KALRN: variants seen among roughly 807,000 people sequenced by gnomAD.
KALRN encodes kalirin RhoGEF kinase.
A neutral mutation model predicts 353.7 loss-of-function variants in KALRN; 70 were observed. The observed-to-expected ratio is 0.20, with a 90% CI of 0.16 to 0.24. The LOEUF (loss-of-function observed/expected upper bound fraction) is 0.24. Ranked by LOEUF, KALRN falls within the 10% of genes least tolerant of loss-of-function variation. The pLI, the probability that KALRN is intolerant of heterozygous loss-of-function variation, is 1.00. For missense variants in KALRN, 2,791 were observed against 3,756.7 expected (o/e 0.74, Z 6.72); for synonymous variants, 1,391 against 1,434.8 (o/e 0.97, Z 0.69).
At chr3:124,312,111 A>G (rs933520688) in intron 6 of KALRN, among the ~76,000 whole-genome samples, 1 of 152,318 alleles carries the variant, frequency 6.6e-6, no homozygotes, top group East Asian at 1.9e-4. Flanking sequence ...ACTAAATACT[A>G]ATATACTAAA....
intron 10 of KALRN, 130 bp downstream of exon 10, chr3:124,347,395 G>GTGTGTGTGTGTGTGTT: frequency 7.4e-7 from 1 of 1,355,064 alleles, no homozygotes; most frequent in Non-Finnish European, 9.9e-7. Context: ...GTGTGTGTGT[G>GTGTGTGTGTGTGTGTT]TGTGTGTGTC....
At position 124,562,963 on chromosome 3, in the gene KALRN, G is replaced by C. The variant is rs763819696; in HGVS notation, c.5056G>C (p.Gly1686Arg). The C allele has an allele frequency of 1.5e-6, 2 of 1,367,906 alleles. No individual in the cohort carries two copies. The highest frequency in any genetic ancestry group is 3.8e-5 in the Admixed American group (2 of 52,592). The allele number at this position is 1,367,906 out of a possible 1,614,324, so 84.7% of individuals were successfully genotyped here. A position where few individuals can be genotyped will look rare whatever the true frequency, so the allele number is the denominator to read the frequency against. Reference protein sequence around the residue: ...ELLERPSERPGWCLVRTTERS... With the variant: ...ELLERPSERPRWCLVRTTERS... ...GCTGGAGCGGCCCAGCGAGCGGCCT[G>C]GTTGGTGTCTGGTCCGTACCACCGA... Residue 1686 changes from glycine to arginine, a missense_variant, in exon 34 of 60, where the codon GGT (glycine) becomes CGT (arginine). This residue lies in a region of KALRN where 239 missense variants were observed against 351.3 expected (regional missense o/e 0.68). Coordinates refer to ENST00000682506, the MANE Select transcript of KALRN (RefSeq NM_001388419.1).
chr3:124,215,634 C>G (rs921964732), intron 1 of KALRN, among the ~76,000 whole-genome samples: 14 of 152,234 alleles, frequency 9.2e-5, no homozygotes, highest in African/African-American at 2.9e-4. Flanking sequence ...TATGAAGGAA[C>G]AGAGACCCAG....
At chr3:124,354,595 A>G (rs1261440901) in intron 10 of KALRN, among the ~76,000 whole-genome samples, 1 of 152,262 alleles carries the variant, frequency 6.6e-6, no homozygotes, top group Non-Finnish European at 1.5e-5. Context: ...GTGCTTAGAT[A>G]ACCTTAGGTT....
chr3:124,396,915 GT>G (rs1301342340), intron 12 of KALRN, among the ~76,000 whole-genome samples: 2 of 152,200 alleles, frequency 1.3e-5, no homozygotes, highest in Admixed American at 6.5e-5. Flanking sequence ...ATCAAGGCAT[GT>G]CAAAGAGAAA....
At chr3:124,598,896 G>C (rs35910945) in intron 34 of KALRN, among the ~76,000 whole-genome samples, 37,158 of 152,132 alleles carry the variant, frequency 0.24, 4,726 homozygotes, top group East Asian at 0.33. Flanking sequence ...GGCTGGTCTG[G>C]AACAGCTGGG....
At position 124,326,004 on chromosome 3, in the gene KALRN, A is replaced by C. The variant is rs764027557; in HGVS notation, c.1117A>C (p.Ile373Leu). Residue 373 changes from isoleucine to leucine, a missense_variant, in exon 7 of 60, where the codon ATC becomes CTC. Transcript: ENST00000682506. ...SMNAYVNINR[I>L]MSVASRLSEA... Reference sequence around the variant, plus strand: ...GAATGCCTATGTCAACATCAACCGCATCATGTCCGTGGCTTCCCGCCTCTC... The same window carrying C: ...GAATGCCTATGTCAACATCAACCGCCTCATGTCCGTGGCTTCCCGCCTCTC... 1.9e-6 allele frequency: 3 copies of C among 1,613,154 alleles called. No individual in the cohort carries two copies. The Admixed American group carries it at 5.0e-5, about 27-fold the overall frequency.
rs1268998252 is a variant in KALRN at position 124,659,279 on chromosome 3, C to A, written c.6124-86C>A. On this transcript the variant is annotated intron_variant, in intron 42 of 59. Coordinates refer to ENST00000682506, the MANE Select transcript of KALRN (RefSeq NM_001388419.1). ...TCAACTTCATTGGAAAACATGCAGA[C>A]CTGTCTTCCATGCCTTTGAACCCTT... The A allele has an allele frequency of 4.6e-6, 4 of 877,952 alleles. No individual in the cohort carries two copies. The African/African-American group carries it at 5.0e-5, about 11-fold the overall frequency. The allele number at this position is 877,952 out of a possible 1,614,324, so 54.4% of individuals were successfully genotyped here.
intron 1 of KALRN, among the ~76,000 whole-genome samples, chr3:124,171,933 G>A (rs925480334): frequency 2.6e-5 from 4 of 152,112 alleles, no homozygotes; most frequent in Non-Finnish European, 5.9e-5. Context: ...TACTTCCATA[G>A]GTTATTGGAT....
At chr3:124,069,789 A>G (rs894783374) in intron 1 of KALRN, among the ~76,000 whole-genome samples, 2 of 152,160 alleles carry the variant, frequency 1.3e-5, no homozygotes, top group Non-Finnish European at 2.9e-5. Context: ...TGAAGCTCAG[A>G]GGAAAGGGAG....
At chr3:124,221,487 C>T (rs1156972987) in intron 1 of KALRN, among the ~76,000 whole-genome samples, 2 of 152,192 alleles carry the variant, frequency 1.3e-5, no homozygotes, top group African/African-American at 4.8e-5. Flanking sequence ...AACGAAAACA[C>T]ATAAATGCCA....
At chr3:124,071,842 T>C (rs1298129871) in intron 1 of KALRN, among the ~76,000 whole-genome samples, 2 of 152,210 alleles carry the variant, frequency 1.3e-5, no homozygotes, top group Non-Finnish European at 2.9e-5. Flanking sequence ...TGCCCCTCAA[T>C]TAAACCCAGA....
At chr3:124,110,438 A>G (rs1320906516) in intron 1 of KALRN, among the ~76,000 whole-genome samples, 2 of 143,356 alleles carry the variant, frequency 1.4e-5, no homozygotes, top group African/African-American at 2.6e-5. Context: ...ATGTATGTAT[A>G]TATGTATATA....
chr3:124,657,120 C>T (rs2084149462), intron 39 of KALRN, among the ~76,000 whole-genome samples: 1 of 152,184 alleles, frequency 6.6e-6, no homozygotes, highest in African/African-American at 2.4e-5. Context: ...AGACTTATTT[C>T]TAGGCCAGAT....
At chr3:124,495,994 T>TATATACAC (rs2063763461) in intron 32 of KALRN, among the ~76,000 whole-genome samples, 2 of 57,498 alleles carry the variant, frequency 3.5e-5, no homozygotes, top group African/African-American at 2.1e-4. Context: ...TATATATATA[T>TATATACAC]ATATATATAT....
chr3:124,334,527 C>A lies in KALRN; in HGVS notation c.1647+32C>A. The stretch of plus-strand genomic sequence containing the variant: ...GGCTCTGAGCCCCGGTGTCCATTAT[C>A]CATTCTAGGAGGCAGACCGAGCTCA... On this transcript the variant is annotated intron_variant, in intron 9 of 59. Coordinates refer to ENST00000682506, the MANE Select transcript of KALRN (RefSeq NM_001388419.1). The surrounding 1 kb of genome is among the most constrained non-coding windows in gnomAD (Gnocchi z 4.2). The A allele has an allele frequency of 6.6e-7, 1 of 1,521,464 alleles. No homozygotes were observed. The highest frequency in any genetic ancestry group is 9.1e-7 in the Non-Finnish European group (1 of 1,104,880). The allele number at this position is 1,521,464 out of a possible 1,614,324, so 94.2% of individuals were successfully genotyped here.
At chr3:124,702,958 C>T (rs1395105194) in intron 57 of KALRN, among the ~76,000 whole-genome samples, 4 of 152,152 alleles carry the variant, frequency 2.6e-5, no homozygotes, top group African/African-American at 9.7e-5. Context: ...GCATTCATCC[C>T]TATGCATGCT....
chr3:124,401,512 A>C (rs1298150830), intron 13 of KALRN, among the ~76,000 whole-genome samples: 1 of 152,214 alleles, frequency 6.6e-6, no homozygotes, highest in Non-Finnish European at 1.5e-5. Flanking sequence ...CTCAGAAAAA[A>C]ATAAAAAATA....
chr3:124,048,704 G>C (rs895860294), intron 1 of KALRN, among the ~76,000 whole-genome samples: 1 of 152,080 alleles, frequency 6.6e-6, no homozygotes. Flanking sequence ...AGATGGTCTC[G>C]ATCTCCTGAT....
Sources: allele counts gnomAD v4.1 joint callset (sites outside exome capture counted in the v4.1 genomes callset), GRCh38; gene constraint gnomAD v4.1.1; regional missense constraint gnomAD v4.1.1; non-coding constraint Gnocchi (gnomAD v3.1); transcripts MANE v1.5; gene names NCBI Gene and HGNC (gene_info 2026-07-23, HGNC 2026-07-21).